Variants in CHD6 observed in about 807,000 individuals in gnomAD.
CHD6 encodes chromodomain helicase DNA binding protein 6.
A neutral mutation model predicts 276.9 loss-of-function variants in CHD6; 50 were observed. That is an observed-to-expected ratio of 0.18 (90% CI 0.14 to 0.23). The LOEUF (loss-of-function observed/expected upper bound fraction) is 0.23, where lower values mean the gene tolerates loss of function less well. Among genes scored for constraint, CHD6 ranks in the 10% least tolerant of loss-of-function variants. The pLI, the probability that CHD6 is intolerant of heterozygous loss-of-function variation, is 1.00. For synonymous variants in CHD6, 1,173 were observed against 1,229.3 expected (o/e 0.95, Z 0.96); for missense variants, 2,564 against 3,365.8 (o/e 0.76, Z 5.89).
chr20:41,453,515 C>G (rs1018218270), intron 20 of CHD6, among the ~76,000 whole-genome samples: 1 of 152,170 alleles, frequency 6.6e-6, no homozygotes, highest in Non-Finnish European at 1.5e-5. Flanking sequence ...CTTCTCTAGT[C>G]TCCATTGCTT....
At chr20:41,485,759 C>G (rs1261981494) in intron 14 of CHD6, 1 of 152,016 alleles carries the variant, frequency 6.6e-6, no homozygotes, top group Non-Finnish European at 1.5e-5. Flanking sequence ...GGAATAAGTT[C>G]AAGAGATCTA....
intron 3 of CHD6, among the ~76,000 whole-genome samples, chr20:41,522,610 C>G (rs527524332): frequency 1.3e-5 from 2 of 152,020 alleles, no homozygotes; most frequent in African/African-American, 4.8e-5. Context: ...GCCTGACATA[C>G]GTAACTTGTT....
intron 1 of CHD6, among the ~76,000 whole-genome samples, chr20:41,579,523 G>C (rs1455597759): frequency 6.6e-6 from 1 of 151,686 alleles, no homozygotes; most frequent in East Asian, 1.9e-4. Flanking sequence ...CACCGTCCAT[G>C]AGGCATGAAA....
chr20:41,544,757 G>A (rs1411963915), intron 2 of CHD6, among the ~76,000 whole-genome samples: 1 of 150,012 alleles, frequency 6.7e-6, no homozygotes, highest in Non-Finnish European at 1.5e-5. Flanking sequence ...GTACTGTTAT[G>A]ATACTATATT....
intron 3 of CHD6, 142 bp downstream of exon 3, chr20:41,532,908 C>A (rs1055204982): frequency 1.5e-5 from 14 of 920,730 alleles, no homozygotes; most frequent in Non-Finnish European, 2.0e-5. Context: ...TACCCCTGCT[C>A]CCCATCCTAT....
At position 41,473,548 on chromosome 20, in the gene CHD6, G is replaced by T; in HGVS notation, c.2469-31C>A. On this transcript the variant is annotated intron_variant, in intron 16 of 36. Transcript: ENST00000373233. This position sits in a 1 kb window ranked among gnomAD's most constrained non-coding sequence, Gnocchi z 4.1. ...GGGACCCAAATGAACGAAAGCCCAG[G>T]CGTTAATCATGACTTCAATGGAGAA... 1 of 1,591,868 alleles carries T rather than the reference G, an allele frequency of 6.3e-7. No individual in the cohort carries two copies. Among genetic ancestry groups the T allele is most frequent in the Non-Finnish European group, 8.6e-7 (1 of 1,161,052 alleles).
At chr20:41,411,123 G>A (rs1278989278) in intron 36 of CHD6, among the ~76,000 whole-genome samples, 1 of 152,084 alleles carries the variant, frequency 6.6e-6, no homozygotes, top group African/African-American at 2.4e-5. Flanking sequence ...AAACTGTCTA[G>A]GGCCCAAGTC....
At chr20:41,423,352 T>C (rs1306577485) in intron 30 of CHD6, 140 bp downstream of exon 30, 2 of 743,074 alleles carry the variant, frequency 2.7e-6, no homozygotes, top group Admixed American at 2.3e-5. Flanking sequence ...AGTTCATGAA[T>C]TTCTAAAAGC....
intron 36 of CHD6, 39 bp from the exon 37 acceptor site, chr20:41,405,528 G>C: frequency 6.7e-7 from 1 of 1,491,274 alleles, no homozygotes. Context: ...GAAGGCAACA[G>C]GATGGCAGGT....
At chr20:41,592,769 C>T (rs185395877) in intron 1 of CHD6, among the ~76,000 whole-genome samples, 3 of 152,208 alleles carry the variant, frequency 2.0e-5, no homozygotes, top group East Asian at 1.9e-4. Flanking sequence ...TGAGAACACC[C>T]GGGGATGCCA....
intron 3 of CHD6, among the ~76,000 whole-genome samples, chr20:41,526,816 G>A (rs765329675): frequency 6.6e-6 from 1 of 152,284 alleles, no homozygotes; most frequent in South Asian, 2.1e-4. Flanking sequence ...TGGGAAACAT[G>A]TTTCTCAAAG....
rs749421049 is a variant in CHD6 at position 41,422,034 on chromosome 20, C to T, written c.4601G>A (p.Arg1534His). 12 of 1,613,826 alleles carry T rather than the reference C, an allele frequency of 7.4e-6. No homozygotes were observed. The East Asian group carries it at 1.6e-4, about 21-fold the overall frequency. The change falls in exon 31 of 37, where the codon CGT (arginine) becomes CAT (histidine). Residue 1534 changes from arginine (R) to histidine (H), a missense_variant. Physicochemically the swap from Arg to His is conservative, Grantham distance 29. This residue lies in a region of CHD6 where 515 missense variants were observed against 739.5 expected (regional missense o/e 0.70). Transcript: ENST00000373233. ...TIYVEPITEE[R>H]AARTLYRIEL... Reference sequence around the variant, plus strand: ...AATGCGGTACAGAGTTCTTGCAGCACGTTCCTCAGTGATGGGTTCAACGTA... The same window carrying T: ...AATGCGGTACAGAGTTCTTGCAGCATGTTCCTCAGTGATGGGTTCAACGTA...
intron 3 of CHD6, among the ~76,000 whole-genome samples, chr20:41,528,240 CTTA>C (rs1024824804): frequency 6.6e-6 from 1 of 152,016 alleles, no homozygotes; most frequent in Non-Finnish European, 1.5e-5. Flanking sequence ...TCCCAAAGCC[CTTA>C]TTAACATTTC....
chr20:41,575,584 G>A (rs1297600368), intron 1 of CHD6, among the ~76,000 whole-genome samples: 1 of 151,982 alleles, frequency 6.6e-6, no homozygotes, highest in Non-Finnish European at 1.5e-5. Flanking sequence ...ACCTTCCAGA[G>A]GACAGTTCAG....
At chr20:41,478,465 C>T (rs1296696697) in intron 16 of CHD6, among the ~76,000 whole-genome samples, 1 of 152,110 alleles carries the variant, frequency 6.6e-6, no homozygotes, top group Non-Finnish European at 1.5e-5. Flanking sequence ...AGAGGGGAGG[C>T]CACAATTATG....
intron 17 of CHD6, among the ~76,000 whole-genome samples, chr20:41,459,826 C>T (rs769882769): frequency 1.3e-5 from 2 of 152,112 alleles, no homozygotes; most frequent in Non-Finnish European, 2.9e-5. Flanking sequence ...TAAAGCAGGG[C>T]GTTGCTGAAA....
chr20:41,445,106 T>C (rs2048023993), intron 25 of CHD6, among the ~76,000 whole-genome samples: 1 of 152,186 alleles, frequency 6.6e-6, no homozygotes, highest in Non-Finnish European at 1.5e-5. Context: ...GAGCACTTAC[T>C]TCAGTTTTTC....
intron 28 of CHD6, 61 bp downstream of exon 28, chr20:41,426,032 C>G: frequency 8.3e-7 from 1 of 1,206,956 alleles, no homozygotes; most frequent in Non-Finnish European, 1.2e-6. Context: ...CATATAAACT[C>G]CACGATAACT....
intron 1 of CHD6, among the ~76,000 whole-genome samples, chr20:41,559,679 G>C (rs956191006): frequency 2.0e-5 from 3 of 152,090 alleles, no homozygotes; most frequent in Admixed American, 2.0e-4. Flanking sequence ...AAGGCTCCCT[G>C]AGTTTTCTAC....
Sources: allele counts gnomAD v4.1 joint callset (sites outside exome capture counted in the v4.1 genomes callset), GRCh38; gene constraint gnomAD v4.1.1; regional missense constraint gnomAD v4.1.1; non-coding constraint Gnocchi (gnomAD v3.1); transcripts MANE v1.5; gene names NCBI Gene and HGNC (gene_info 2026-07-23, HGNC 2026-07-21).